The following MACROD2 variants were observed in gnomAD, a reference collection of about 807,000 sequenced individuals.
MACROD2 encodes the protein mono-ADP ribosylhydrolase 2.
In MACROD2, 36 loss-of-function variants were observed where a neutral mutation model predicts 70.4. The observed-to-expected ratio is 0.51, with a 90% CI of 0.39 to 0.68. MACROD2 has a LOEUF of 0.68. Among genes scored for constraint, MACROD2 ranks in the 30% least tolerant of loss-of-function variants. The pLI is 0.00. For synonymous variants in MACROD2, 172 were observed against 178.8 expected (o/e 0.96, Z 0.30); for missense variants, 496 against 538.4 (o/e 0.92, Z 0.78).
At chr20:15,470,070 G>C (rs984687239) in intron 7 of MACROD2, among the ~76,000 whole-genome samples, 1 of 151,612 alleles carries the variant, frequency 6.6e-6, no homozygotes, top group Non-Finnish European at 1.5e-5. Flanking sequence ...ATTTTTTTGA[G>C]ACAGAGTCTT....
rs73260893 is a variant in MACROD2 at position 14,684,277 on chromosome 20, G to C, written c.302-566G>C. ...ACAATCATGTGTGTGTCATTCTGTTGTGGGGAGAAGTTGCTCAAAGGTTTG... is the reference window on the plus strand; with the variant it reads ...ACAATCATGTGTGTGTCATTCTGTTCTGGGGAGAAGTTGCTCAAAGGTTTG... On this transcript the variant is annotated intron_variant, in intron 4 of 17. Coordinates refer to ENST00000684519, the MANE Select transcript of MACROD2 (RefSeq NM_001351661.2). Among the ~76,000 whole-genome samples the C allele has an allele frequency of 7.4e-3, 1,127 of 152,294 alleles. 16 individuals are homozygous for C. Among genetic ancestry groups the C allele is most frequent in the African/African-American group, 0.025 (1,049 of 41,552 alleles).
chr20:14,238,198 C>T (rs2081895003), intron 3 of MACROD2, among the ~76,000 whole-genome samples: 2 of 152,116 alleles, frequency 1.3e-5, no homozygotes, highest in Non-Finnish European at 2.9e-5. Context: ...AGCTAATCCA[C>T]CACGATCTTG....
chr20:14,564,689 T>A (rs1347215950), intron 4 of MACROD2, among the ~76,000 whole-genome samples: 3 of 151,662 alleles, frequency 2.0e-5, no homozygotes, highest in Admixed American at 6.6e-5. Flanking sequence ...TCAAAAGCAA[T>A]ACATGTTGGC....
intron 8 of MACROD2, among the ~76,000 whole-genome samples, chr20:15,589,881 G>T (rs746276146): frequency 1.3e-5 from 2 of 151,832 alleles, no homozygotes; most frequent in African/African-American, 2.4e-5. Context: ...ATAAATTTTT[G>T]ACCTAAATTT....
intron 8 of MACROD2, among the ~76,000 whole-genome samples, chr20:15,517,832 A>G (rs1334405166): frequency 6.6e-6 from 1 of 152,240 alleles, no homozygotes; most frequent in South Asian, 2.1e-4. Flanking sequence ...ATAAGAGTAG[A>G]GAATACAGTT....
At chr20:15,312,817 C>T (rs1224536112) in intron 6 of MACROD2, among the ~76,000 whole-genome samples, 1 of 151,910 alleles carries the variant, frequency 6.6e-6, no homozygotes, top group African/African-American at 2.4e-5. Context: ...ATCTGTATTC[C>T]ATTATATGTG....
At chr20:15,043,102 A>G (rs1054938030) in intron 5 of MACROD2, among the ~76,000 whole-genome samples, 1 of 152,144 alleles carries the variant, frequency 6.6e-6, no homozygotes, top group African/African-American at 2.4e-5. Context: ...TCTCAGGTCT[A>G]GCAAACCTCC....
chr20:14,721,398 A>C (rs2071468282), intron 5 of MACROD2, among the ~76,000 whole-genome samples: 1 of 152,176 alleles, frequency 6.6e-6, no homozygotes, highest in South Asian at 2.1e-4. Flanking sequence ...TACTGTCTCA[A>C]AAACAAATGA....
chr20:14,804,787 C>T (rs571216144), intron 5 of MACROD2, among the ~76,000 whole-genome samples: 1 of 151,978 alleles, frequency 6.6e-6, no homozygotes, highest in South Asian at 2.1e-4. Flanking sequence ...TTCCCAATTT[C>T]CTTTCCAGTT....
intron 5 of MACROD2, among the ~76,000 whole-genome samples, chr20:14,764,048 C>T (rs1206968409): frequency 5.9e-5 from 9 of 152,078 alleles, no homozygotes; most frequent in African/African-American, 2.2e-4. Flanking sequence ...TATCCCTTCT[C>T]TGTCCTATGT....
At chr20:15,032,379 C>T (rs1250216535) in intron 5 of MACROD2, among the ~76,000 whole-genome samples, 1 of 152,232 alleles carries the variant, frequency 6.6e-6, no homozygotes, top group African/African-American at 2.4e-5. Context: ...CACCTGGCGT[C>T]GTCTTTGCAG....
chr20:14,416,510 A>G (rs2083807096), intron 3 of MACROD2, among the ~76,000 whole-genome samples: 1 of 152,198 alleles, frequency 6.6e-6, no homozygotes, highest in African/African-American at 2.4e-5. Flanking sequence ...CTTCAAGAAC[A>G]TTATGAAAAT....
intron 13 of MACROD2, among the ~76,000 whole-genome samples, chr20:15,979,372 C>T (rs2066361420): frequency 6.6e-6 from 1 of 152,236 alleles, no homozygotes; most frequent in Middle Eastern, 3.4e-3. Flanking sequence ...GATGTCTGTT[C>T]CAGTGCCATT....
intron 8 of MACROD2, among the ~76,000 whole-genome samples, chr20:15,616,037 G>A (rs1051458184): frequency 1.3e-5 from 2 of 151,248 alleles, no homozygotes; most frequent in Non-Finnish European, 2.9e-5. Flanking sequence ...AGTGAGGGCA[G>A]CCTCCTAGGT....
intron 15 of MACROD2, among the ~76,000 whole-genome samples, chr20:16,011,524 T>A (rs1417458539): frequency 2.0e-5 from 3 of 152,140 alleles, no homozygotes; most frequent in South Asian, 2.1e-4. Context: ...TGGGATTTAT[T>A]TGGGGGAATG....
chr20:14,238,308 ATAT>A (rs1482301414), intron 3 of MACROD2, among the ~76,000 whole-genome samples: 2 of 152,228 alleles, frequency 1.3e-5, no homozygotes. Flanking sequence ...ACACATGATT[ATAT>A]TATTATCTTA....
intron 5 of MACROD2, among the ~76,000 whole-genome samples, chr20:14,754,506 C>T (rs1407267835): frequency 6.6e-6 from 1 of 152,056 alleles, no homozygotes; most frequent in South Asian, 2.1e-4. Flanking sequence ...TTCACTTTCT[C>T]TCATTTAGGG....
intron 4 of MACROD2, among the ~76,000 whole-genome samples, chr20:14,589,855 A>G (rs1441882886): frequency 2.0e-5 from 3 of 152,190 alleles, no homozygotes; most frequent in Non-Finnish European, 4.4e-5. Context: ...GCTGTATGGC[A>G]TGAATTCTGC....
intron 5 of MACROD2, among the ~76,000 whole-genome samples, chr20:14,821,145 T>A (rs149864937): frequency 5.6e-4 from 86 of 152,240 alleles, no homozygotes; most frequent in African/African-American, 1.6e-3. Context: ...TGCTTTGGCA[T>A]ATTGACACTG....
Sources: allele counts gnomAD v4.1 joint callset (sites outside exome capture counted in the v4.1 genomes callset), GRCh38; gene constraint gnomAD v4.1.1; transcripts MANE v1.5; gene names NCBI Gene and HGNC (gene_info 2026-07-23, HGNC 2026-07-21).